REDIC1: variants seen among roughly 807,000 people sequenced by gnomAD.
REDIC1 encodes the protein HEI10 Interacting Protein 1.
chr12:39,894,241 T>C, the REDIC1 span, among the ~76,000 whole-genome samples: 4 of 152,356 alleles, frequency 2.6e-5, no homozygotes, highest in South Asian at 2.1e-4. Flanking sequence ...AACATGACTA[T>C]CTTAGCTTTT....
the REDIC1 span, among the ~76,000 whole-genome samples, chr12:39,767,064 T>C: frequency 6.6e-6 from 1 of 152,112 alleles, no homozygotes; most frequent in African/African-American, 2.4e-5. Context: ...TTCCAGAAGA[T>C]TTTCACTTTA....
the REDIC1 span, among the ~76,000 whole-genome samples, chr12:39,651,422 G>A: frequency 6.6e-6 from 1 of 152,040 alleles, no homozygotes; most frequent in South Asian, 2.1e-4. Flanking sequence ...CCCACTCCTG[G>A]TGATGTGATG....
the REDIC1 span, among the ~76,000 whole-genome samples, chr12:39,868,733 G>T: frequency 2.8e-4 from 43 of 152,082 alleles, no homozygotes; most frequent in Non-Finnish European, 7.4e-5. Flanking sequence ...AAAGAATCAA[G>T]AATTTGTCAT....
the REDIC1 span, among the ~76,000 whole-genome samples, chr12:39,723,572 C>T: frequency 6.6e-6 from 1 of 151,740 alleles, no homozygotes; most frequent in African/African-American, 2.4e-5. Context: ...GTTTTCATTC[C>T]ATGTTTGTAA....
chr12:39,743,463 A>G, the REDIC1 span, among the ~76,000 whole-genome samples: 1 of 152,246 alleles, frequency 6.6e-6, no homozygotes, highest in Non-Finnish European at 1.5e-5. Flanking sequence ...ACAAAAAATT[A>G]CAAGGTATAC....
At chr12:39,711,749 ACATG>A in the REDIC1 span, among the ~76,000 whole-genome samples, 3 of 114,170 alleles carry the variant, frequency 2.6e-5, no homozygotes, top group Admixed American at 8.2e-5. Context: ...GTGTGTATAC[ACATG>A]CATGTGTATG....
chr12:39,779,227 T>C, the REDIC1 span, among the ~76,000 whole-genome samples: 1 of 152,144 alleles, frequency 6.6e-6, no homozygotes, highest in Non-Finnish European at 1.5e-5. Flanking sequence ...TGGACCTCAT[T>C]TGAGTTATCC....
the REDIC1 span, among the ~76,000 whole-genome samples, chr12:39,864,093 G>A: frequency 1.0e-3 from 156 of 152,218 alleles, no homozygotes; most frequent in African/African-American, 3.6e-3. Context: ...TATATTAATC[G>A]ATGTGTCCAA....
At chr12:39,838,490 A>AT in the REDIC1 span, among the ~76,000 whole-genome samples, 32 of 118,890 alleles carry the variant, frequency 2.7e-4, no homozygotes, top group Middle Eastern at 8.0e-3. Flanking sequence ...TTAAAGTATA[A>AT]TAAAAAAAAA....
chr12:39,905,149 C>A, the REDIC1 span, among the ~76,000 whole-genome samples: 1 of 152,114 alleles, frequency 6.6e-6, no homozygotes, highest in Non-Finnish European at 1.5e-5. Flanking sequence ...ACTTGCTGGT[C>A]CTACTGTGAA....
At chr12:39,728,062 A>G in the REDIC1 span, among the ~76,000 whole-genome samples, 5 of 152,156 alleles carry the variant, frequency 3.3e-5, no homozygotes, top group South Asian at 2.1e-4. Flanking sequence ...GGCTGAGACA[A>G]TGGGGTTTTC....
At chr12:39,897,549 G>T in the REDIC1 span, among the ~76,000 whole-genome samples, 2 of 152,164 alleles carry the variant, frequency 1.3e-5, no homozygotes, top group Non-Finnish European at 2.9e-5. Context: ...GTGTGGGGAT[G>T]GAAATGTTTT....
the REDIC1 span, among the ~76,000 whole-genome samples, chr12:39,844,145 AAC>A: frequency 6.6e-6 from 1 of 152,096 alleles, no homozygotes; most frequent in African/African-American, 2.4e-5. Flanking sequence ...AAAGCTGTGC[AAC>A]ACACATGCCT....
At chr12:39,731,892 A>T in the REDIC1 span, among the ~76,000 whole-genome samples, 1 of 150,776 alleles carries the variant, frequency 6.6e-6, no homozygotes, top group Non-Finnish European at 1.5e-5. Context: ...AGAAAATGTA[A>T]CACAAAAGAA....
chr12:39,757,388 G>A, the REDIC1 span: 26 of 151,734 alleles, frequency 1.7e-4, no homozygotes, highest in African/African-American at 6.3e-4. Flanking sequence ...ATGTTTCCAA[G>A]TTGATAGTGG....
At chr12:39,649,536 A>AT in the REDIC1 span, among the ~76,000 whole-genome samples, 24 of 138,808 alleles carry the variant, frequency 1.7e-4, no homozygotes, top group South Asian at 2.9e-3. Flanking sequence ...ACTTTAGTCT[A>AT]TTTTTTTTCC....
the REDIC1 span, among the ~76,000 whole-genome samples, chr12:39,783,098 C>T: frequency 2.0e-5 from 3 of 152,036 alleles, no homozygotes; most frequent in Non-Finnish European, 4.4e-5. Flanking sequence ...TCAAGTCCCA[C>T]CTATGAGTGA....
At chr12:39,754,349 TG>T in the REDIC1 span, 1 of 152,114 alleles carries the variant, frequency 6.6e-6, no homozygotes, top group African/African-American at 2.4e-5. Flanking sequence ...GGACAATTTA[TG>T]TGTAATTCGT....
the REDIC1 span, chr12:39,758,075 C>T: frequency 6.6e-6 from 1 of 151,412 alleles, no homozygotes; most frequent in Admixed American, 6.6e-5. Context: ...ATAATTTTCC[C>T]TATTAAATCA....
Sources: gnomAD v4.1 joint callset for allele counts (sites outside exome capture counted in the v4.1 genomes callset) on GRCh38, gnomAD v4.1.1 for gene constraint, MANE v1.5 for transcripts, NCBI Gene and HGNC (gene_info 2026-07-23, HGNC 2026-07-21) for gene names.